The following RAD21L1 variants were observed in gnomAD, a reference collection of about 807,000 sequenced individuals.
RAD21L1 encodes the protein RAD21 cohesin complex component like 1.
Under a neutral mutation model 69.0 loss-of-function variants are expected in RAD21L1, and 47 were observed. The observed-to-expected ratio is 0.68, with a 90% confidence interval of 0.54 to 0.87. RAD21L1 has a LOEUF of 0.87. Ranked by LOEUF, RAD21L1 falls within the 40% of genes least tolerant of loss-of-function variation. RAD21L1 has a pLI of 0.00. For synonymous variants in RAD21L1, 177 were observed against 205.8 expected (o/e 0.86, Z 1.20); for missense variants, 583 against 647.6 (o/e 0.90, Z 1.08).
chr20:1,229,391 GTA>G (rs1434679690), intron 2 of RAD21L1, among the ~76,000 whole-genome samples: 3 of 152,242 alleles, frequency 2.0e-5, no homozygotes, highest in African/African-American at 7.2e-5. Context: ...CATAAAATAA[GTA>G]TATAATAAAT....
chr20:1,226,443 C>A (rs1054442821), intron 1 of RAD21L1: 1 of 152,444 alleles, frequency 6.6e-6, no homozygotes, highest in Non-Finnish European at 1.5e-5. Context: ...TGTGGAGGAG[C>A]CTTTGGCGTC....
chr20:1,232,181 C>T (rs2087404017), intron 4 of RAD21L1, among the ~76,000 whole-genome samples: 1 of 152,078 alleles, frequency 6.6e-6, no homozygotes, highest in Admixed American at 6.6e-5. Flanking sequence ...TTTTCAAGGA[C>T]CAGCAAGGAG....
rs556660969 is a variant in RAD21L1 at position 1,244,369 on chromosome 20, G to T, written c.1308+199G>T. Among the ~76,000 whole-genome samples the T allele has an allele frequency of 3.9e-5, 6 of 152,246 alleles. No homozygotes were observed. In the South Asian group the frequency reaches 1.2e-3, roughly 32 times the overall value. ...TTTCTAGGAGTTTAGGATGTAAATT[G>T]CAAGATAAGGTGGTTTCATACCAAG... On this transcript the variant is annotated intron_variant, in intron 11 of 13. Transcript: ENST00000683101.
chr20:1,237,983 C>G, intron 5 of RAD21L1, 61 bp from the exon 6 acceptor site: 1 of 895,440 alleles, frequency 1.1e-6, no homozygotes, highest in African/African-American at 1.7e-5. Context: ...ATCTGAATTT[C>G]CTTCTAACCC....
intron 11 of RAD21L1, 144 bp downstream of exon 11, chr20:1,244,314 G>T: frequency 1.7e-6 from 1 of 602,478 alleles, no homozygotes; most frequent in Non-Finnish European, 2.7e-6. Flanking sequence ...GTAAGTAGCA[G>T]GGTAAAACAT....
rs550819608 is a variant in RAD21L1, at chr20:1,254,777, G to A, written c.*320G>A. Among the ~76,000 whole-genome samples the A allele has an allele frequency of 6.6e-6, 1 of 152,152 alleles. No homozygotes were observed. Among genetic ancestry groups the A allele is most frequent in the South Asian group, 2.1e-4 (1 of 4,822 alleles). ...GCCTCCTGAATAGCTGGGACTACAG[G>A]CACATGCCACCATACCTGGCTCAGA... On this transcript the variant is annotated 3_prime_UTR_variant, in exon 14 of 14. Transcript: ENST00000683101.
chr20:1,228,707 C>T, intron 2 of RAD21L1, 110 bp downstream of exon 2: 1 of 787,208 alleles, frequency 1.3e-6, no homozygotes, highest in East Asian at 3.0e-5. Flanking sequence ...TTTTACTTGT[C>T]AAATGGTCTT....
In RAD21L1 at chr20:1,230,017, T is replaced by G; in HGVS notation, c.274+8T>G. 1 of 1,537,416 alleles carries G rather than the reference T, an allele frequency of 6.5e-7. No individual in the cohort carries two copies. Among genetic ancestry groups the G allele is most frequent in the Non-Finnish European group, 8.8e-7 (1 of 1,137,012 alleles). On this transcript the variant is annotated splice_region_variant and intron_variant, in intron 3 of 13. Transcript: ENST00000683101. ...AGATGACATTTTGCCCAGGTATACATGTAATATTGATTTGTCTCCTTCTTG... is the reference window on the plus strand; with the variant it reads ...AGATGACATTTTGCCCAGGTATACAGGTAATATTGATTTGTCTCCTTCTTG...
At position 1,254,169 on chromosome 20, in the gene RAD21L1, A is replaced by C. The variant is rs1157711751; in HGVS notation, c.1480-100A>C. 3 of 756,476 alleles carry C rather than the reference A, an allele frequency of 4.0e-6. No individual in the cohort carries two copies. In the African/African-American group the frequency reaches 5.3e-5, roughly 13 times the overall value. The allele number at this position is 756,476 out of a possible 1,614,324, so 46.9% of individuals were successfully genotyped here. ...TTAAGGATTTTATAGTCATTTATCCAAAATGTCAATATTTTGTTGTTTATT... is the reference window on the plus strand; with the variant it reads ...TTAAGGATTTTATAGTCATTTATCCCAAATGTCAATATTTTGTTGTTTATT... On this transcript the variant is annotated intron_variant, in intron 13 of 13. Transcript: ENST00000683101.
In RAD21L1 at chr20:1,243,227, G is replaced by A. The variant is rs373402621; in HGVS notation, c.1183+31G>A. The stretch of plus-strand genomic sequence containing the variant: ...ACTTCTTAATTCTGTTGATGTTGAG[G>A]GGAATGCTGTGGAAACAAAAATTTG... On this transcript the variant is annotated intron_variant, in intron 10 of 13. Coordinates refer to ENST00000683101, the MANE Select transcript of RAD21L1 (RefSeq NM_001384355.1). The A allele has an allele frequency of 1.9e-5, 22 of 1,153,542 alleles. No homozygotes were observed. In the South Asian group the frequency reaches 2.9e-4, roughly 15 times the overall value. 71.5% of individuals were successfully genotyped at this position (1,153,542 alleles called of 1,614,324 possible). A position where few individuals can be genotyped will look rare whatever the true frequency, so the allele number is the denominator to read the frequency against.
At chr20:1,242,389 T>A (rs561122885) in intron 8 of RAD21L1, among the ~76,000 whole-genome samples, 24 of 152,076 alleles carry the variant, frequency 1.6e-4, no homozygotes, top group Non-Finnish European at 2.8e-4. Context: ...CGTGCTACCA[T>A]GTGTGGCTAA....
rs960583928 is a variant in RAD21L1 at position 1,230,102 on chromosome 20, T to C, written c.274+93T>C. The C allele has an allele frequency of 1.0e-5, 9 of 881,636 alleles. No homozygotes were observed. In the African/African-American group the frequency reaches 1.5e-4, roughly 15 times the overall value. The allele number at this position is 881,636 out of a possible 1,614,324, so 54.6% of individuals were successfully genotyped here. On this transcript the variant is annotated intron_variant, in intron 3 of 13. Transcript: ENST00000683101. ...TTTAATATACTTCAGGCTAGTATGGTGAATGTAAACTTAGTTTTGAATGAA... is the reference window on the plus strand; with the variant it reads ...TTTAATATACTTCAGGCTAGTATGGCGAATGTAAACTTAGTTTTGAATGAA...
chr20:1,226,661 C>G (rs1041965212), intron 1 of RAD21L1, among the ~76,000 whole-genome samples: 3 of 152,002 alleles, frequency 2.0e-5, no homozygotes, highest in African/African-American at 7.2e-5. Context: ...CTTTGCGGGC[C>G]GGTTTCCACG....
chr20:1,247,967 A>G (rs1022558854), intron 12 of RAD21L1, among the ~76,000 whole-genome samples: 2 of 150,466 alleles, frequency 1.3e-5, no homozygotes, highest in African/African-American at 4.9e-5. Flanking sequence ...CTCACATCAT[A>G]AGGTGTTAGT....
intron 8 of RAD21L1, among the ~76,000 whole-genome samples, chr20:1,241,521 A>T (rs1236491445): frequency 6.6e-6 from 1 of 152,132 alleles, no homozygotes; most frequent in Non-Finnish European, 1.5e-5. Context: ...TTTTTAACTG[A>T]ATTCACCACT....
intron 13 of RAD21L1, among the ~76,000 whole-genome samples, chr20:1,249,836 T>G (rs2122156089): frequency 6.6e-6 from 1 of 152,342 alleles, no homozygotes; most frequent in East Asian, 1.9e-4. Flanking sequence ...ATGGTTGTTT[T>G]GTCATTACCT....
intron 4 of RAD21L1, among the ~76,000 whole-genome samples, chr20:1,232,610 A>G (rs2087414021): frequency 6.6e-6 from 1 of 152,248 alleles, no homozygotes; most frequent in Non-Finnish European, 1.5e-5. Flanking sequence ...GATTTTTGGC[A>G]TGAGAACAGA....
At chr20:1,250,116 T>G (rs1220611576) in intron 13 of RAD21L1, among the ~76,000 whole-genome samples, 1 of 151,894 alleles carries the variant, frequency 6.6e-6, no homozygotes, top group South Asian at 2.1e-4. Context: ...TTTGGTTTTT[T>G]GTCCTTGCCA....
intron 3 of RAD21L1, among the ~76,000 whole-genome samples, chr20:1,231,200 A>G (rs573994952): frequency 6.6e-6 from 1 of 152,354 alleles, no homozygotes; most frequent in South Asian, 2.1e-4. Flanking sequence ...TTCAGGGAAC[A>G]AAAAGGCTAG....
Sources: allele counts gnomAD v4.1 joint callset (sites outside exome capture counted in the v4.1 genomes callset), GRCh38; gene constraint gnomAD v4.1.1; transcripts MANE v1.5; gene names NCBI Gene and HGNC (gene_info 2026-07-23, HGNC 2026-07-21).